BCAS3: variants seen among roughly 807,000 people sequenced by gnomAD.
BCAS3 encodes BCAS4/BCAS3 fusion.
BCAS3 carries 53 observed loss-of-function variants against 116.1 expected under a neutral mutation model. The observed-to-expected ratio is 0.46, with a 90% CI of 0.37 to 0.57. The LOEUF (loss-of-function observed/expected upper bound fraction) is 0.57. BCAS3 is among the 20% of genes least tolerant of loss of function. BCAS3 has a pLI of 0.00. For synonymous variants in BCAS3, 391 were observed against 408.2 expected, an observed-to-expected ratio of 0.96 and a Z score of 0.51; for missense variants, 917 against 1,165.4, an observed-to-expected ratio of 0.79 and a Z score of 3.10.
intron 6 of BCAS3, among the ~76,000 whole-genome samples, chr17:60,780,062 T>C (rs1358796678): frequency 2.0e-5 from 3 of 151,684 alleles, no homozygotes; most frequent in Admixed American, 2.0e-4. Context: ...CCATCTCGGC[T>C]CACTGCAAGC....
intron 13 of BCAS3, among the ~76,000 whole-genome samples, chr17:60,946,072 ATCGC>A (rs531841141): frequency 1.6e-3 from 249 of 152,260 alleles, no homozygotes; most frequent in African/African-American, 5.4e-3. Context: ...GTGGGCGTAG[ATCGC>A]GCCACTGCAC....
At position 61,161,998 on chromosome 17, in the gene BCAS3, C is replaced by T. The variant is rs573774799; in HGVS notation, c.2425+77434C>T. 7.9e-5 allele frequency among the ~76,000 whole-genome samples: 12 copies of T among 152,158 alleles called. No individual in the cohort carries two copies. The highest frequency in any genetic ancestry group is 2.4e-4 in the African/African-American group (10 of 41,512). ...TCCTTCTACTAAGAGATCCTAAATT[C>T]GTGTTTAATAGCCAGCTAAATGTAG... On this transcript the variant is annotated intron_variant, in intron 22 of 23. Coordinates refer to ENST00000407086, the MANE Select transcript of BCAS3 (RefSeq NM_017679.5). This position sits in a 1 kb window ranked among gnomAD's most constrained non-coding sequence, Gnocchi z 4.8.
At chr17:60,955,655 A>AT (rs2061094514) in intron 14 of BCAS3, among the ~76,000 whole-genome samples, 1 of 152,108 alleles carries the variant, frequency 6.6e-6, no homozygotes, top group African/African-American at 2.4e-5. Flanking sequence ...CAGTGCCAGG[A>AT]TTACAGGCAT....
chr17:60,785,153 C>T (rs2046180501), intron 6 of BCAS3, among the ~76,000 whole-genome samples: 1 of 151,952 alleles, frequency 6.6e-6, no homozygotes, highest in Non-Finnish European at 1.5e-5. Flanking sequence ...GGAGTTTTTA[C>T]TTTTTTTCTT....
intron 22 of BCAS3, among the ~76,000 whole-genome samples, chr17:61,275,041 G>A (rs1447287545): frequency 6.6e-6 from 1 of 151,932 alleles, no homozygotes; most frequent in East Asian, 1.9e-4. Context: ...TTGTAGAGAT[G>A]GGGTCTCAGC....
At chr17:61,049,044 A>G (rs375471849) in intron 19 of BCAS3, among the ~76,000 whole-genome samples, 1 of 152,070 alleles carries the variant, frequency 6.6e-6, no homozygotes, top group East Asian at 1.9e-4. Flanking sequence ...CAGAAAAGTA[A>G]TCCCAGCACT....
In BCAS3 at chr17:61,041,386, G is replaced by T. The variant is rs1314412612; in HGVS notation, c.2029+494G>T. Among the ~76,000 whole-genome samples, 1 of 152,154 alleles carries T rather than the reference G, an allele frequency of 6.6e-6. No homozygotes were observed. Among genetic ancestry groups the T allele is most frequent in the African/African-American group, 2.4e-5 (1 of 41,446 alleles). On this transcript the variant is annotated intron_variant, in intron 19 of 23. Coordinates refer to ENST00000407086, the MANE Select transcript of BCAS3 (RefSeq NM_017679.5). The surrounding 1 kb of genome is among the most constrained non-coding windows in gnomAD (Gnocchi z 4.7). ...TGTTAATTTGTTTGTTTACTTATAT[G>T]TTTAAGCGTGAGCATTTGTAGAGAC...
chr17:61,100,272 G>A (rs1025358517), intron 22 of BCAS3, among the ~76,000 whole-genome samples: 12 of 152,058 alleles, frequency 7.9e-5, no homozygotes, highest in South Asian at 2.1e-4. Flanking sequence ...AGGAAATAGC[G>A]AACCCTATGA....
At position 61,313,150 on chromosome 17, in the gene BCAS3, G is replaced by A. The variant is rs2054456952; in HGVS notation, c.2426-55177G>A. On this transcript the variant is annotated intron_variant, in intron 22 of 23. Transcript: ENST00000407086. This position sits in a 1 kb window ranked among gnomAD's most constrained non-coding sequence, Gnocchi z 4.3. ...AGACTACATAGTGATGACCAAAACA[G>A]TCTTTGGATTCATGGCAATTACTGC... Among the ~76,000 whole-genome samples, 1 of 152,232 alleles carries A rather than the reference G, an allele frequency of 6.6e-6. No individual in the cohort carries two copies. The highest frequency in any genetic ancestry group is 1.5e-5 in the Non-Finnish European group (1 of 68,042).
At chr17:60,685,375 G>A (rs1166548488) in intron 3 of BCAS3, among the ~76,000 whole-genome samples, 11 of 151,392 alleles carry the variant, frequency 7.3e-5, no homozygotes, top group African/African-American at 1.9e-4. Flanking sequence ...ACTTGAACCC[G>A]GGAGGCGGAG....
chr17:61,197,622 A>G (rs1373259167), intron 22 of BCAS3, among the ~76,000 whole-genome samples: 2 of 152,214 alleles, frequency 1.3e-5, no homozygotes, highest in Non-Finnish European at 2.9e-5. Flanking sequence ...AAGATCAGAA[A>G]GTTAGAATGT....
intron 23 of BCAS3, among the ~76,000 whole-genome samples, chr17:61,372,795 T>C (rs2059118002): frequency 6.6e-6 from 1 of 151,966 alleles, no homozygotes; most frequent in African/African-American, 2.4e-5. Context: ...ACTTGACTAA[T>C]TCCTGCTTAG....
intron 15 of BCAS3, among the ~76,000 whole-genome samples, chr17:60,996,755 G>A (rs907107428): frequency 1.3e-5 from 2 of 152,084 alleles, no homozygotes; most frequent in Non-Finnish European, 2.9e-5. Flanking sequence ...AAAAAGAGAT[G>A]TCCCAGGACT....
intron 7 of BCAS3, among the ~76,000 whole-genome samples, chr17:60,847,297 T>G (rs1204916387): frequency 1.3e-5 from 2 of 152,232 alleles, no homozygotes; most frequent in African/African-American, 4.8e-5. Context: ...TGAACATTCA[T>G]GTAGACGTTT....
At chr17:60,683,159 T>C (rs943900803) in intron 2 of BCAS3, among the ~76,000 whole-genome samples, 1 of 152,204 alleles carries the variant, frequency 6.6e-6, no homozygotes, top group African/African-American at 2.4e-5. Context: ...CTAATGCCTG[T>C]ATCTACCAGA....
At chr17:60,732,839 A>AAAAT (rs993215983) in intron 5 of BCAS3, among the ~76,000 whole-genome samples, 12 of 152,340 alleles carry the variant, frequency 7.9e-5, no homozygotes, top group South Asian at 2.1e-4. Context: ...CATCGTCTCA[A>AAAAT]AAATAAATAA....
At chr17:60,996,325 T>G (rs2063832926) in intron 15 of BCAS3, among the ~76,000 whole-genome samples, 1 of 152,024 alleles carries the variant, frequency 6.6e-6, no homozygotes, top group South Asian at 2.1e-4. Flanking sequence ...AAGATGAGGT[T>G]TGGAGTAAGT....
At chr17:61,142,582 C>T (rs1359371616) in intron 22 of BCAS3, among the ~76,000 whole-genome samples, 1 of 152,044 alleles carries the variant, frequency 6.6e-6, no homozygotes, top group African/African-American at 2.4e-5. Flanking sequence ...GGGAACGTAT[C>T]ATCAGAAAAA....
intron 22 of BCAS3, among the ~76,000 whole-genome samples, chr17:61,287,663 C>G (rs975374266): frequency 6.6e-6 from 1 of 151,870 alleles, no homozygotes; most frequent in Non-Finnish European, 1.5e-5. Flanking sequence ...GAGGTGGCGG[C>G]TACAGTGAGC....
Sources: gnomAD v4.1 joint callset for allele counts (sites outside exome capture counted in the v4.1 genomes callset) on GRCh38, gnomAD v4.1.1 for gene constraint, Gnocchi (gnomAD v3.1) non-coding constraint, MANE v1.5 for transcripts, NCBI Gene and HGNC (gene_info 2026-07-23, HGNC 2026-07-21) for gene names.